Variants in SLC27A5 observed in about 807,000 individuals in gnomAD.
SLC27A5 encodes the protein solute carrier family 27 member 5, also known as long-chain fatty acid transport protein 5.
Under a neutral mutation model 63.1 loss-of-function variants are expected in SLC27A5, and 47 were observed. That is an observed-to-expected ratio of 0.74 (90% CI 0.59 to 0.95). The LOEUF (loss-of-function observed/expected upper bound fraction) is 0.95. SLC27A5 is among the 40% of genes least tolerant of loss of function. The pLI is 0.00. For synonymous variants in SLC27A5, 391 were observed against 403.8 expected, an observed-to-expected ratio of 0.97 and a Z score of 0.38; for missense variants, 940 against 921.0, an observed-to-expected ratio of 1.02 and a Z score of -0.27.
In SLC27A5 at chr19:58,510,844, G is replaced by A. The variant is rs1230703257; in HGVS notation, c.775C>T (p.Pro259Ser). ...CFYLSHTSPT[P>S]GVGALGAALD... Reference sequence around the variant, plus strand: ...GCAGCCCCCAGAGCCCCCACCCCTGGTGTAGGGGAGGTATGGCTGAGGTAG... The same window carrying A: ...GCAGCCCCCAGAGCCCCCACCCCTGATGTAGGGGAGGTATGGCTGAGGTAG... The change falls in exon 2 of 10, where the codon CCA (proline) becomes TCA (serine). Residue 259 changes from proline (P) to serine (S), a missense_variant. Coordinates refer to ENST00000263093, the MANE Select transcript of SLC27A5 (RefSeq NM_012254.3). The A allele has an allele frequency of 6.2e-7, 1 of 1,613,276 alleles. No individual in the cohort carries two copies. Among genetic ancestry groups the A allele is most frequent in the Non-Finnish European group, 8.5e-7 (1 of 1,179,802 alleles).
At position 58,500,576 on chromosome 19, in the gene SLC27A5, T is replaced by C; in HGVS notation, c.1313A>G (p.Asn438Ser). 1 of 1,614,130 alleles carries C rather than the reference T, an allele frequency of 6.2e-7. No individual in the cohort carries two copies. Among genetic ancestry groups the C allele is most frequent in the South Asian group, 1.1e-5 (1 of 91,084 alleles). The change falls in exon 5 of 10, where the codon AAC becomes AGC. Residue 438 changes from asparagine to serine, a missense_variant. Asn to Ser is a conservative substitution (Grantham distance 46). Transcript: ENST00000263093. ...CCCCACATAGTTGACTAAGCCCATG[T>C]TGCCTTCTGTGGAGCCGTAGACTTC... ...IWEVYGSTEG[N>S]MGLVNYVGRC...
chr19:58,499,114 C>T lies in SLC27A5; in HGVS notation c.1765+9G>A, dbSNP rs368083874. 1.2e-6 allele frequency: 2 copies of T among 1,613,896 alleles called. No homozygotes were observed. Among genetic ancestry groups the T allele is most frequent in the South Asian group, 1.1e-5 (1 of 91,062 alleles). On this transcript the variant is annotated intron_variant, in intron 8 of 9. Transcript: ENST00000263093. The stretch of plus-strand genomic sequence containing the variant: ...GCTGTTGGAAGTTTAAAATGAGAAC[C>T]CTCCGCACCTGGCACGCACACGCCA...
Position 58,501,365 on chromosome 19 carries a change from C to A in SLC27A5, c.1103G>T (p.Trp368Leu), listed in dbSNP as rs1254418016. Reference protein sequence around the residue: ...LAPKFSTSCFWDDCRQHGVTV... With the variant: ...LAPKFSTSCFLDDCRQHGVTV... ...CACGCCATGCTGCCGACAGTCATCCCAGAAGCAGGAAGTAGAGAACTTGGG... is the reference window on the plus strand; with the variant it reads ...CACGCCATGCTGCCGACAGTCATCCAAGAAGCAGGAAGTAGAGAACTTGGG... The change falls in exon 4 of 10, where the codon TGG becomes TTG. Residue 368 changes from tryptophan to leucine, a missense_variant. By Grantham distance (61) the Trp-to-Leu change is moderately conservative. Transcript: ENST00000263093. The A allele has an allele frequency of 1.9e-6, 3 of 1,613,562 alleles. No individual in the cohort carries two copies. The highest frequency in any genetic ancestry group is 3.3e-5 in the Admixed American group (2 of 59,962).
At chr19:58,504,599 C>CTGGG (rs2053322768) in intron 3 of SLC27A5, among the ~76,000 whole-genome samples, 1 of 101,320 alleles carries the variant, frequency 9.9e-6, no homozygotes, top group Admixed American at 1.2e-4. Context: ...GCGGGCGGGG[C>CTGGG]GGAGCTTGCG....
intron 3 of SLC27A5, among the ~76,000 whole-genome samples, chr19:58,506,772 G>A (rs1238602254): frequency 6.6e-6 from 1 of 151,636 alleles, no homozygotes; most frequent in Non-Finnish European, 1.5e-5. Flanking sequence ...ACCACGCCCA[G>A]CTAATTTTGT....
intron 2 of SLC27A5, 189 bp from the exon 3 acceptor site, chr19:58,510,194 A>G (rs75712147): frequency 1.8e-6 from 1 of 543,820 alleles, no homozygotes; most frequent in Non-Finnish European, 3.2e-6. Flanking sequence ...GTCAAGATCA[A>G]AGGTTTCAGT....
intron 8 of SLC27A5, 51 bp from the exon 9 acceptor site, chr19:58,498,966 C>A: frequency 6.3e-7 from 1 of 1,595,494 alleles, no homozygotes; most frequent in Non-Finnish European, 8.5e-7. Flanking sequence ...GGGCCCATAG[C>A]TGACCCTCCA....
chr19:58,510,575 A>G lies in SLC27A5; in HGVS notation c.898+146T>C, dbSNP rs913736617. The G allele has an allele frequency of 2.6e-5, 18 of 700,430 alleles. No individual in the cohort carries two copies. In the Admixed American group the frequency reaches 3.8e-4, roughly 15 times the overall value. 43.4% of individuals were successfully genotyped at this position (700,430 alleles called of 1,614,324 possible). On this transcript the variant is annotated intron_variant, in intron 2 of 9. Coordinates refer to ENST00000263093, the MANE Select transcript of SLC27A5 (RefSeq NM_012254.3). Reference sequence around the variant, plus strand: ...GGCGACAGAGCGAGACTCTGCCTCGAAAAAAAAAACAGCCAAACAAAAAAC... The same window carrying G: ...GGCGACAGAGCGAGACTCTGCCTCGGAAAAAAAAACAGCCAAACAAAAAAC...
intron 4 of SLC27A5, chr19:58,500,932 G>T: frequency 7.2e-7 from 1 of 1,388,396 alleles, no homozygotes; most frequent in South Asian, 1.8e-5. Flanking sequence ...TTGCCTGGGG[G>T]ACGTTACCAG....
intron 3 of SLC27A5, among the ~76,000 whole-genome samples, chr19:58,501,849 CT>C (rs1433726095): frequency 2.0e-5 from 3 of 151,984 alleles, no homozygotes; most frequent in African/African-American, 7.2e-5. Context: ...AATTTTTGTA[CT>C]TTTTTAAGTA....
chr19:58,499,171 G>A lies in SLC27A5; in HGVS notation c.1717C>T (p.Gln573Ter). The A allele has an allele frequency of 6.2e-7, 1 of 1,614,028 alleles. No individual in the cohort carries two copies. ...STHEVEGVLS[Q>*]VDFLQQVNVY... ...TTAACCTGTTGCAAGAAGTCCACCTGCGACAACACGCCCTCCACCTCGTGC... is the reference window on the plus strand; with the variant it reads ...TTAACCTGTTGCAAGAAGTCCACCTACGACAACACGCCCTCCACCTCGTGC... The change falls in exon 8 of 10, where the codon CAG becomes TAG. Residue 573 changes from glutamine (Q) to a stop codon, truncating the protein, a stop_gained. Transcript: ENST00000263093. LOFTEE classifies it high-confidence loss of function.
intron 3 of SLC27A5, chr19:58,509,444 C>A (rs2053385475): frequency 6.2e-6 from 1 of 160,788 alleles, no homozygotes; most frequent in Non-Finnish European, 1.3e-5. Context: ...ACAAAAAGAA[C>A]AAGCTATGGA....
Position 58,511,591 on chromosome 19 carries a change from C to T in SLC27A5, c.365G>A (p.Arg122Gln), listed in dbSNP as rs867889110. 5.1e-6 allele frequency: 8 copies of T among 1,579,140 alleles called. No homozygotes were observed. Among genetic ancestry groups the T allele is most frequent in the South Asian group, 3.5e-5 (3 of 86,938 alleles). ...PPDTFVDAFERRARAQPGRAL... is the reference protein window; with the variant it reads ...PPDTFVDAFEQRARAQPGRAL... The stretch of plus-strand genomic sequence containing the variant: ...CCTGCCAGGCTGCGCTCGTGCTCGC[C>T]GCTCGAAGGCATCTACAAAGGTGTC... The change falls in exon 1 of 10, where the codon CGG (arginine) becomes CAG (glutamine). Residue 122 changes from arginine (R) to glutamine (Q), a missense_variant. Physicochemically the swap from Arg to Gln is conservative, Grantham distance 43 (BLOSUM62 1). Transcript: ENST00000263093.
intron 3 of SLC27A5, among the ~76,000 whole-genome samples, chr19:58,502,951 A>C (rs1231093563): frequency 4.0e-5 from 6 of 151,622 alleles, no homozygotes; most frequent in Non-Finnish European, 8.8e-5. Flanking sequence ...TCACGCCTGT[A>C]ATCCCAGGAC....
Position 58,501,226 on chromosome 19 carries a change from C to T in SLC27A5, c.1182+60G>A, listed in dbSNP as rs1389345603. On this transcript the variant is annotated intron_variant, in intron 4 of 9. Transcript: ENST00000263093. ...TCAGTACCTGAATCTTTACCTGAGA[C>T]CTTTACCTGGGATTTCATACTTGGG... The T allele has an allele frequency of 3.8e-6, 6 of 1,583,178 alleles. No individual in the cohort carries two copies. In the Admixed American group the frequency reaches 1.0e-4, roughly 28 times the overall value.
chr19:58,500,739 G>C (rs2053265797), intron 4 of SLC27A5, 33 bp from the exon 5 acceptor site: 1 of 1,599,218 alleles, frequency 6.3e-7, no homozygotes, highest in Non-Finnish European at 8.6e-7. Context: ...GTGAGGAGGA[G>C]GTGCTCTTGG....
rs1444683177 is a variant in SLC27A5, at chr19:58,500,358, G to A, written c.1449C>T (p.Phe483=). The stretch of plus-strand genomic sequence containing the variant: ...CCATACCTAGCCCTACAGGGATGCA[G>A]AAGCCCTGATTGTCCCTCACAGGCT... ...AAEPVRDNQG[F]CIPVGLGEPG... is the part of the protein sequence containing the mutation. Residue 483 remains phenylalanine (F), a synonymous_variant, in exon 6 of 10, where the codon TTC becomes TTT. Transcript: ENST00000263093. 6.2e-7 allele frequency: 1 copy of A among 1,613,450 alleles called. No homozygotes were observed. Among genetic ancestry groups the A allele is most frequent in the Non-Finnish European group, 8.5e-7 (1 of 1,179,982 alleles).
chr19:58,500,300 C>A (rs1222068533), intron 6 of SLC27A5, 39 bp downstream of exon 6: 1 of 1,557,490 alleles, frequency 6.4e-7, no homozygotes, highest in East Asian at 2.2e-5. Context: ...TGAGGGTCGC[C>A]ACCCCTGCCA....
At chr19:58,500,130 A>G (rs2053256636) in intron 6 of SLC27A5, among the ~76,000 whole-genome samples, 1 of 151,980 alleles carries the variant, frequency 6.6e-6, no homozygotes. Flanking sequence ...AGAGCAAGAG[A>G]TCAAGGCAGG....
Sources: allele counts gnomAD v4.1 joint callset (sites outside exome capture counted in the v4.1 genomes callset), GRCh38; gene constraint gnomAD v4.1.1; transcripts MANE v1.5; gene names NCBI Gene and HGNC (gene_info 2026-07-23, HGNC 2026-07-21).